The following SEMA3E variants were observed in gnomAD, a reference collection of about 807,000 sequenced individuals.
SEMA3E encodes semaphorin-3E.
Under a neutral mutation model 93.6 loss-of-function variants are expected in SEMA3E, and 49 were observed. The observed-to-expected ratio is 0.52, with a 90% CI of 0.42 to 0.66. SEMA3E has a LOEUF of 0.66. SEMA3E is among the 30% of genes least tolerant of loss of function. The pLI is 0.00. For missense variants in SEMA3E, 906 were observed against 964.8 expected (o/e 0.94, Z 0.81); for synonymous variants, 363 against 330.7 (o/e 1.10, Z -1.06).
At chr7:83,620,625 A>T (rs1793533935) in intron 1 of SEMA3E, among the ~76,000 whole-genome samples, 2 of 152,202 alleles carry the variant, frequency 1.3e-5, no homozygotes, top group African/African-American at 2.4e-5. Context: ...TGAATCCAGC[A>T]GTCCATCAAA....
rs1235313929 is a variant in SEMA3E at position 83,489,983 on chromosome 7, TAATA to T, written c.276+127_276+130del. The T allele has an allele frequency of 1.3e-5, 11 of 819,896 alleles. No individual in the cohort carries two copies. In the African/African-American group the frequency reaches 1.7e-4, roughly 13 times the overall value. The allele number at this position is 819,896 out of a possible 1,614,324, so 50.8% of individuals were successfully genotyped here. ...TCCTCAAAATGATTTCAGTTTTAAC[TAATA>T]TTTTATTTAAAAAGTAATCACTCAA... is the stretch of plus-strand genomic sequence containing the variant. On this transcript the variant is annotated intron_variant, in intron 2 of 16. Coordinates refer to ENST00000643230, the MANE Select transcript of SEMA3E (RefSeq NM_012431.3).
intron 1 of SEMA3E, among the ~76,000 whole-genome samples, chr7:83,541,407 A>T (rs1791528757): frequency 6.6e-6 from 1 of 152,150 alleles, no homozygotes; most frequent in African/African-American, 2.4e-5. Flanking sequence ...ACACTTGACC[A>T]TGAGAGGCCA....
At chr7:83,431,089 A>C (rs997241424) in intron 4 of SEMA3E, among the ~76,000 whole-genome samples, 10 of 54,154 alleles carry the variant, frequency 1.8e-4, no homozygotes, top group Middle Eastern at 6.3e-3. Context: ...AAAAAAGAAA[A>C]AAAAGAAAAA....
chr7:83,423,553 G>A (rs62460802), intron 4 of SEMA3E, among the ~76,000 whole-genome samples: 47,852 of 149,314 alleles, frequency 0.32, 8,046 homozygotes, highest in Middle Eastern at 0.44. Flanking sequence ...GCCCAGGCTG[G>A]AGTGCAGTGG....
At chr7:83,626,657 G>A (rs546797755) in intron 1 of SEMA3E, among the ~76,000 whole-genome samples, 2 of 152,106 alleles carry the variant, frequency 1.3e-5, no homozygotes, top group Admixed American at 6.5e-5. Context: ...CAAAAAAACA[G>A]TTCTTAGATT....
intron 16 of SEMA3E, among the ~76,000 whole-genome samples, chr7:83,382,338 G>A (rs912728294): frequency 6.6e-6 from 1 of 151,976 alleles, no homozygotes; most frequent in Non-Finnish European, 1.5e-5. Context: ...TGGTACTGTA[G>A]CACTGAATGT....
chr7:83,641,426 T>C (rs1430832593), intron 1 of SEMA3E: 2 of 982,406 alleles, frequency 2.0e-6, no homozygotes, highest in South Asian at 4.7e-5. Context: ...GGACACTGTT[T>C]AGTTTAACTT....
At chr7:83,500,067 T>C (rs2535375) in intron 1 of SEMA3E, among the ~76,000 whole-genome samples, 132,852 of 152,258 alleles carry the variant, frequency 0.87, 58,163 homozygotes, top group South Asian at 0.95. Flanking sequence ...AGATATTCAG[T>C]CAAAGCAGAA....
intron 1 of SEMA3E, among the ~76,000 whole-genome samples, chr7:83,526,090 C>T (rs899280787): frequency 6.6e-6 from 1 of 151,942 alleles, no homozygotes; most frequent in African/African-American, 2.4e-5. Flanking sequence ...CTAGGTGGCT[C>T]TCAATAGAAC....
intron 4 of SEMA3E, among the ~76,000 whole-genome samples, chr7:83,443,345 G>T (rs968597460): frequency 3.9e-5 from 6 of 152,124 alleles, no homozygotes; most frequent in African/African-American, 1.4e-4. Flanking sequence ...ACAGAAAAAG[G>T]GTATAAAGTA....
intron 1 of SEMA3E, among the ~76,000 whole-genome samples, chr7:83,629,449 C>T (rs1278320909): frequency 6.6e-6 from 1 of 152,104 alleles, no homozygotes; most frequent in Admixed American, 6.5e-5. Context: ...TCCATAAGCC[C>T]CTGCCTGGGG....
chr7:83,426,028 A>T (rs10254928), intron 4 of SEMA3E, among the ~76,000 whole-genome samples: 5,906 of 152,242 alleles, frequency 0.039, 360 homozygotes, highest in African/African-American at 0.13. Flanking sequence ...ATGAGATACC[A>T]TCTCACACCA....
chr7:83,540,027 C>T (rs1394441905), intron 1 of SEMA3E, among the ~76,000 whole-genome samples: 1 of 151,980 alleles, frequency 6.6e-6, no homozygotes, highest in Non-Finnish European at 1.5e-5. Flanking sequence ...ACTACAGGCA[C>T]TCACCACCAC....
chr7:83,430,803 CCTG>C (rs1382791874), intron 4 of SEMA3E, among the ~76,000 whole-genome samples: 1 of 151,974 alleles, frequency 6.6e-6, no homozygotes, highest in Non-Finnish European at 1.5e-5. Context: ...ATGTAGCAAA[CCTG>C]CACGTTCTGC....
intron 1 of SEMA3E, among the ~76,000 whole-genome samples, chr7:83,586,013 G>T (rs1327684283): frequency 1.3e-5 from 2 of 152,136 alleles, no homozygotes; most frequent in African/African-American, 2.4e-5. Flanking sequence ...GGGTTTAATG[G>T]TGTCCCCTCA....
chr7:83,403,317 C>T (rs1005245713), intron 9 of SEMA3E, among the ~76,000 whole-genome samples: 13 of 151,830 alleles, frequency 8.6e-5, no homozygotes, highest in African/African-American at 3.1e-4. Flanking sequence ...TTCATGTAAA[C>T]TTTAATATGC....
chr7:83,457,228 CAGAG>C (rs56786365), intron 4 of SEMA3E, among the ~76,000 whole-genome samples: 2 of 151,224 alleles, frequency 1.3e-5, no homozygotes, highest in African/African-American at 2.4e-5. Flanking sequence ...CAGAGACAGA[CAGAG>C]AGAGAGAGAG....
intron 1 of SEMA3E, among the ~76,000 whole-genome samples, chr7:83,505,811 C>A (rs987548700): frequency 1.3e-5 from 2 of 151,642 alleles, no homozygotes; most frequent in East Asian, 3.9e-4. Context: ...GTCAGGAGAT[C>A]GAGAACATCC....
At chr7:83,635,722 G>A (rs955961302) in intron 1 of SEMA3E, among the ~76,000 whole-genome samples, 1 of 151,844 alleles carries the variant, frequency 6.6e-6, no homozygotes, top group Non-Finnish European at 1.5e-5. Flanking sequence ...AACCTGGGTT[G>A]AGAAAGTCAA....
Sources: allele counts gnomAD v4.1 joint callset (sites outside exome capture counted in the v4.1 genomes callset), GRCh38; gene constraint gnomAD v4.1.1; transcripts MANE v1.5; gene names NCBI Gene and HGNC (gene_info 2026-07-23, HGNC 2026-07-21).